The following TDRD9 variants were observed in gnomAD, a reference collection of about 807,000 sequenced individuals.
TDRD9 encodes ATP-dependent RNA helicase TDRD9.
A neutral mutation model predicts 172.6 loss-of-function variants in TDRD9; 124 were observed. The ratio of observed to expected loss-of-function variants is 0.72; its 90% CI spans 0.62 to 0.83. The LOEUF (loss-of-function observed/expected upper bound fraction) is 0.83. TDRD9 is among the 40% of genes least tolerant of loss of function. The probability of loss-of-function intolerance (pLI) is 0.00; values close to 1 mark genes in which losing one functional copy is unlikely to be tolerated. For synonymous variants in TDRD9, 619 were observed against 617.1 expected (o/e 1.00, Z -0.05); for missense variants, 1,479 against 1,714.1 (o/e 0.86, Z 2.42).
At chr14:104,028,869 T>C (rs1185153089) in intron 28 of TDRD9, among the ~76,000 whole-genome samples, 2 of 152,188 alleles carry the variant, frequency 1.3e-5, no homozygotes, top group Non-Finnish European at 2.9e-5. Flanking sequence ...TGTCAAGAGA[T>C]AGGGGTTTAG....
intron 1 of TDRD9, among the ~76,000 whole-genome samples, chr14:103,952,713 T>G (rs79821326): frequency 1.3e-5 from 2 of 149,096 alleles, no homozygotes; most frequent in Non-Finnish European, 3.0e-5. Context: ...CTTAGTGATT[T>G]ATAGGAATTC....
chr14:104,024,924 A>T (rs949892565), intron 25 of TDRD9, among the ~76,000 whole-genome samples: 1 of 152,220 alleles, frequency 6.6e-6, no homozygotes, highest in Admixed American at 6.5e-5. Context: ...TTAAAATATC[A>T]AGTACATTTA....
intron 8 of TDRD9, among the ~76,000 whole-genome samples, chr14:103,989,394 GGATGCATGGT>G (rs2033789071): frequency 1.3e-5 from 2 of 152,160 alleles, no homozygotes; most frequent in South Asian, 4.1e-4. Flanking sequence ...ACCTGCTTTT[GGATGCATGGT>G]AATACCATTG....
At chr14:104,043,391 C>G (rs1425561711) in intron 34 of TDRD9, among the ~76,000 whole-genome samples, 2 of 152,068 alleles carry the variant, frequency 1.3e-5, no homozygotes, top group Admixed American at 6.6e-5. Flanking sequence ...CAGGCACCCA[C>G]CACCATGCCC....
intron 24 of TDRD9, 50 bp downstream of exon 24, chr14:104,022,380 T>C (rs1451221728): frequency 1.3e-6 from 2 of 1,564,034 alleles, no homozygotes; most frequent in Admixed American, 3.6e-5. Context: ...TTTCACATTC[T>C]CAGGTGCTAT....
chr14:103,991,747 AT>A (rs2033876761), intron 9 of TDRD9, among the ~76,000 whole-genome samples: 1 of 139,374 alleles, frequency 7.2e-6, no homozygotes, highest in South Asian at 2.3e-4. Context: ...CTTATTAATA[AT>A]TAAGAGTTCA....
chr14:104,029,360 GAT>G (rs1305094288), intron 28 of TDRD9, among the ~76,000 whole-genome samples: 1 of 151,990 alleles, frequency 6.6e-6, no homozygotes, highest in African/African-American at 2.4e-5. Context: ...TGCTTTAATT[GAT>G]ATTTTGTAGT....
chr14:104,033,432 A>G (rs993940848), intron 30 of TDRD9, among the ~76,000 whole-genome samples: 4 of 152,204 alleles, frequency 2.6e-5, no homozygotes, highest in Non-Finnish European at 5.9e-5. Context: ...GGCAGGAGAT[A>G]CAGAAACAGC....
At chr14:103,976,871 T>C (rs2033267716) in intron 7 of TDRD9, among the ~76,000 whole-genome samples, 1 of 152,138 alleles carries the variant, frequency 6.6e-6, no homozygotes, top group Non-Finnish European at 1.5e-5. Flanking sequence ...ACTTATTTAT[T>C]TTAGAGATAG....
intron 1 of TDRD9, chr14:103,941,027 A>G (rs1451437904): frequency 2.0e-6 from 3 of 1,535,360 alleles, no homozygotes; most frequent in African/African-American, 1.4e-5. Context: ...CTGCTTAGGA[A>G]GTCTTTCAGA....
intron 1 of TDRD9, among the ~76,000 whole-genome samples, chr14:103,952,793 C>T (rs1467345136): frequency 8.2e-6 from 1 of 121,998 alleles, no homozygotes; most frequent in Non-Finnish European, 1.6e-5. Context: ...GGCTGGAGTG[C>T]AGTGGTGCGA....
At chr14:103,984,960 C>T (rs2033608557) in intron 7 of TDRD9, among the ~76,000 whole-genome samples, 1 of 152,266 alleles carries the variant, frequency 6.6e-6, no homozygotes, top group African/African-American at 2.4e-5. Flanking sequence ...CATTTTGGAG[C>T]TTTAAGATTT....
At chr14:103,973,077 TG>T (rs1304069428) in intron 6 of TDRD9, among the ~76,000 whole-genome samples, 1 of 152,236 alleles carries the variant, frequency 6.6e-6, no homozygotes, top group Non-Finnish European at 1.5e-5. Flanking sequence ...AACCCTACAC[TG>T]ATGGACATGT....
chr14:104,010,817 C>A (rs1197541349), intron 20 of TDRD9, among the ~76,000 whole-genome samples: 1 of 152,164 alleles, frequency 6.6e-6, no homozygotes, highest in East Asian at 1.9e-4. Flanking sequence ...TGTGAATAGT[C>A]GGCCTTCCAT....
At chr14:103,988,246 T>G (rs1406832233) in intron 8 of TDRD9, among the ~76,000 whole-genome samples, 1 of 152,082 alleles carries the variant, frequency 6.6e-6, no homozygotes, top group African/African-American at 2.4e-5. Flanking sequence ...TGATCTCAGC[T>G]CACTGCAACC....
intron 22 of TDRD9, 83 bp from the exon 23 acceptor site, chr14:104,018,009 G>A (rs34317359): frequency 0.29 from 223,307 of 774,838 alleles, 34,263 homozygotes; most frequent in Non-Finnish European, 0.33. Context: ...CTAAAACAGT[G>A]TGCAGCAGCT....
At chr14:104,009,599 A>C (rs943455052) in intron 20 of TDRD9, among the ~76,000 whole-genome samples, 1 of 152,226 alleles carries the variant, frequency 6.6e-6, no homozygotes, top group African/African-American at 2.4e-5. Flanking sequence ...AAAAATTTTT[A>C]AAAAATTAAT....
At chr14:103,984,117 G>A (rs1274490770) in intron 7 of TDRD9, among the ~76,000 whole-genome samples, 1 of 152,196 alleles carries the variant, frequency 6.6e-6, no homozygotes, top group Non-Finnish European at 1.5e-5. Flanking sequence ...TGCTGTTAAA[G>A]GCATTCAGTT....
intron 23 of TDRD9, among the ~76,000 whole-genome samples, chr14:104,019,218 T>G (rs2152236074): frequency 6.6e-6 from 1 of 152,340 alleles, no homozygotes; most frequent in South Asian, 2.1e-4. Flanking sequence ...CAGTTCTGCA[T>G]GGATGCTCCT....
Sources: gnomAD v4.1 joint callset for allele counts (sites outside exome capture counted in the v4.1 genomes callset) on GRCh38, gnomAD v4.1.1 for gene constraint, MANE v1.5 for transcripts, NCBI Gene and HGNC (gene_info 2026-07-23, HGNC 2026-07-21) for gene names.